XNDC1N: variants seen among roughly 807,000 people sequenced by gnomAD.
XNDC1N encodes the protein XRCC1 N-terminal domain containing 1, N-terminal like.
At chr11:71,927,366 T>C in the XNDC1N span, among the ~76,000 whole-genome samples, 1 of 151,960 alleles carries the variant, frequency 6.6e-6, no homozygotes, top group African/African-American at 2.4e-5. Context: ...CTGCTAAAAA[T>C]ATGAAATTTC....
the XNDC1N span, among the ~76,000 whole-genome samples, chr11:71,909,085 A>G: frequency 2.6e-5 from 4 of 151,868 alleles, no homozygotes; most frequent in Non-Finnish European, 4.4e-5. Flanking sequence ...TGTGATCCCG[A>G]TAGCCCTGAA....
the XNDC1N span, among the ~76,000 whole-genome samples, chr11:71,910,869 G>A: frequency 6.6e-6 from 1 of 152,220 alleles, no homozygotes; most frequent in Non-Finnish European, 1.5e-5. Flanking sequence ...AGGGGACAGG[G>A]ACCGGGAACC....
At chr11:71,897,939 T>C in the XNDC1N span, among the ~76,000 whole-genome samples, 1 of 152,170 alleles carries the variant, frequency 6.6e-6, no homozygotes, top group East Asian at 1.9e-4. Flanking sequence ...TCGCAGCGTC[T>C]TGGAAGACCG....
At chr11:71,875,002 A>T in the XNDC1N span, among the ~76,000 whole-genome samples, 5 of 152,196 alleles carry the variant, frequency 3.3e-5, no homozygotes, top group African/African-American at 1.2e-4. Flanking sequence ...TCCAGCAGCC[A>T]CTTGGGTCAG....
the XNDC1N span, among the ~76,000 whole-genome samples, chr11:71,887,171 C>A: frequency 6.6e-6 from 1 of 152,256 alleles, no homozygotes; most frequent in Middle Eastern, 3.4e-3. Flanking sequence ...GATAGCGGTG[C>A]TGAACATTCG....
chr11:71,897,639 GA>G, the XNDC1N span, among the ~76,000 whole-genome samples: 1 of 152,074 alleles, frequency 6.6e-6, no homozygotes. Flanking sequence ...AGGAGTGGGG[GA>G]AAATAGTATG....
At chr11:71,879,217 C>A in the XNDC1N span, among the ~76,000 whole-genome samples, 3 of 152,102 alleles carry the variant, frequency 2.0e-5, no homozygotes, top group Non-Finnish European at 4.4e-5. Context: ...GACCTAGCCT[C>A]TGTGTTCCTT....
the XNDC1N span, among the ~76,000 whole-genome samples, chr11:71,901,142 G>A: frequency 6.6e-6 from 1 of 152,134 alleles, no homozygotes; most frequent in Non-Finnish European, 1.5e-5. Flanking sequence ...CATTCGGGGC[G>A]CATCTCTCCC....
the XNDC1N span, among the ~76,000 whole-genome samples, chr11:71,891,408 A>G: frequency 6.6e-6 from 1 of 151,498 alleles, no homozygotes; most frequent in African/African-American, 2.4e-5. Flanking sequence ...CACCCAGGAA[A>G]TGACTAACAA....
chr11:71,891,292 C>A, the XNDC1N span, among the ~76,000 whole-genome samples: 1 of 151,890 alleles, frequency 6.6e-6, no homozygotes, highest in Admixed American at 6.6e-5. Context: ...TGTGGAAACC[C>A]CCTGCGGTCC....
chr11:71,865,828 C>T, the XNDC1N span: 2 of 448,406 alleles, frequency 4.5e-6, no homozygotes, highest in African/African-American at 2.1e-5. Flanking sequence ...TTAGCAGCCT[C>T]TCTTGCCTCT....
the XNDC1N span, chr11:71,917,668 T>C: frequency 2.8e-6 from 2 of 703,354 alleles, no homozygotes. Context: ...CTGCTTTGAA[T>C]CAGTTAGAGA....
chr11:71,905,474 G>A, the XNDC1N span, among the ~76,000 whole-genome samples: 4 of 131,148 alleles, frequency 3.0e-5, no homozygotes, highest in Admixed American at 7.1e-5. Flanking sequence ...GTGACATTAC[G>A]GTAACATCTC....
At chr11:71,907,478 T>A in the XNDC1N span, among the ~76,000 whole-genome samples, 1 of 9,568 alleles carries the variant, frequency 1.0e-4, no homozygotes, top group Non-Finnish European at 4.1e-3. Flanking sequence ...TTGCCCCCCC[T>A]GGCTCTTAGG....
At chr11:71,919,929 C>CTTCTTTTTTTTTTTTTTTT in the XNDC1N span, among the ~76,000 whole-genome samples, 2 of 26,590 alleles carry the variant, frequency 7.5e-5, no homozygotes, top group Non-Finnish European at 1.7e-4. Context: ...AAGCAGGCCT[C>CTTCTTTTTTTTTTTTTTTT]TTTTTTTTTT....
chr11:71,875,555 T>G, the XNDC1N span, among the ~76,000 whole-genome samples: 1 of 151,402 alleles, frequency 6.6e-6, no homozygotes, highest in Admixed American at 6.6e-5. Context: ...GGGTAAGAAG[T>G]GAATGAAAGA....
chr11:71,871,946 G>A, the XNDC1N span, among the ~76,000 whole-genome samples: 1 of 150,414 alleles, frequency 6.6e-6, no homozygotes, highest in African/African-American at 2.5e-5. Context: ...TTGGAAAATA[G>A]TTTGGCCTTT....
At chr11:71,913,114 T>A in the XNDC1N span, among the ~76,000 whole-genome samples, 5 of 152,078 alleles carry the variant, frequency 3.3e-5, no homozygotes, top group Non-Finnish European at 5.9e-5. Context: ...CCCTCTGCGA[T>A]ATTGAGAGTC....
the XNDC1N span, among the ~76,000 whole-genome samples, chr11:71,874,935 AC>A: frequency 0.025 from 3,777 of 152,288 alleles, 143 homozygotes; most frequent in African/African-American, 0.087. Context: ...CTTTCAATTA[AC>A]AACATATTGA....
Sources: gnomAD v4.1 joint callset for allele counts (sites outside exome capture counted in the v4.1 genomes callset) on GRCh38, gnomAD v4.1.1 for gene constraint, MANE v1.5 for transcripts, NCBI Gene and HGNC (gene_info 2026-07-23, HGNC 2026-07-21) for gene names.